The following PTPRT variants were observed in gnomAD, a reference collection of about 807,000 sequenced individuals.
The protein encoded by PTPRT is protein tyrosine phosphatase receptor type T.
PTPRT carries 56 observed loss-of-function variants against 176.8 expected under a neutral mutation model. That is an observed-to-expected ratio of 0.32 (90% CI 0.26 to 0.40). PTPRT has a LOEUF of 0.40. Ranked by LOEUF, PTPRT falls within the 10% of genes least tolerant of loss-of-function variation. PTPRT has a pLI of 1.00. For missense variants in PTPRT, 1,540 were observed against 1,908.2 expected (o/e 0.81, Z 3.60); for synonymous variants, 783 against 739.0 (o/e 1.06, Z -0.96).
At chr20:42,340,009 G>T (rs2058090234) in intron 11 of PTPRT, among the ~76,000 whole-genome samples, 1 of 151,972 alleles carries the variant, frequency 6.6e-6, no homozygotes, top group South Asian at 2.1e-4. Context: ...ACCAAACATG[G>T]GCCTTGACCT....
rs73909230 is a variant in PTPRT, at chr20:42,178,442, A to C, written c.2492-16900T>G. Among the ~76,000 whole-genome samples the C allele has an allele frequency of 6.2e-3, 943 of 152,306 alleles. 10 individuals carry two copies. Among genetic ancestry groups the C allele is most frequent in the African/African-American group, 0.021 (876 of 41,558 alleles). On this transcript the variant is annotated intron_variant, in intron 16 of 30. Coordinates refer to ENST00000373187, the MANE Select transcript of PTPRT (RefSeq NM_007050.6). ...GTAATTCCTATCTTCTTGTCTATTG[A>C]AATGCATCAGAAGAACCAGGGTTAA...
intron 2 of PTPRT, among the ~76,000 whole-genome samples, chr20:42,875,162 T>C (rs1161142506): frequency 6.6e-6 from 1 of 152,232 alleles, no homozygotes; most frequent in Non-Finnish European, 1.5e-5. Context: ...CAAGCATCTA[T>C]GTGGATATTA....
chr20:42,972,676 CAA>C (rs33947245), intron 1 of PTPRT, among the ~76,000 whole-genome samples: 14 of 77,576 alleles, frequency 1.8e-4, no homozygotes, highest in African/African-American at 4.0e-4. Context: ...TCTCAAAAAG[CAA>C]AAAAAAAAAA....
intron 2 of PTPRT, among the ~76,000 whole-genome samples, chr20:42,884,163 AACAG>A (rs1446304474): frequency 1.3e-5 from 2 of 152,084 alleles, no homozygotes; most frequent in African/African-American, 4.8e-5. Context: ...ATGATTGGGC[AACAG>A]ACAGAGGTTG....
chr20:43,080,911 G>A (rs1173772319), intron 1 of PTPRT, among the ~76,000 whole-genome samples: 1 of 152,206 alleles, frequency 6.6e-6, no homozygotes, highest in Non-Finnish European at 1.5e-5. Flanking sequence ...CATTCCATGA[G>A]CAAGAAATAA....
intron 1 of PTPRT, among the ~76,000 whole-genome samples, chr20:43,062,677 T>C (rs1987521539): frequency 6.6e-6 from 1 of 152,226 alleles, no homozygotes; most frequent in Non-Finnish European, 1.5e-5. Flanking sequence ...CATGTTTATA[T>C]ATGAATATGG....
the PTPRT span, among the ~76,000 whole-genome samples, chr20:42,053,814 G>T: frequency 6.6e-6 from 1 of 152,172 alleles, no homozygotes; most frequent in Non-Finnish European, 1.5e-5. Context: ...TTTGGAGCCA[G>T]CTCCTGTTCT....
intron 6 of PTPRT, among the ~76,000 whole-genome samples, chr20:42,751,655 C>T (rs543483058): frequency 1.4e-4 from 22 of 152,144 alleles, no homozygotes; most frequent in African/African-American, 4.3e-4. Context: ...GTGAAAGAAG[C>T]GGACTTGCTG....
chr20:42,643,521 T>C (rs1488552750), intron 7 of PTPRT, among the ~76,000 whole-genome samples: 1 of 151,218 alleles, frequency 6.6e-6, no homozygotes, highest in Admixed American at 6.6e-5. Context: ...TTTGCTACGT[T>C]GCCCATGCTG....
At chr20:42,667,059 G>A (rs2075329038) in intron 7 of PTPRT, among the ~76,000 whole-genome samples, 1 of 152,196 alleles carries the variant, frequency 6.6e-6, no homozygotes, top group South Asian at 2.1e-4. Flanking sequence ...CCTCTCTTGA[G>A]AGGCTCAGAT....
At chr20:42,813,619 G>A (rs2077733719) in intron 2 of PTPRT, among the ~76,000 whole-genome samples, 2 of 152,096 alleles carry the variant, frequency 1.3e-5, no homozygotes, top group Admixed American at 1.3e-4. Context: ...TGTGACACCT[G>A]ACTTTCTTCC....
intron 12 of PTPRT, among the ~76,000 whole-genome samples, chr20:42,288,087 G>A (rs1392100422): frequency 6.6e-6 from 1 of 151,882 alleles, no homozygotes; most frequent in Non-Finnish European, 1.5e-5. Flanking sequence ...AATAATTCTT[G>A]CACAATTAAT....
chr20:43,043,235 GC>G (rs1466148773), intron 1 of PTPRT, among the ~76,000 whole-genome samples: 4 of 152,206 alleles, frequency 2.6e-5, no homozygotes, highest in Admixed American at 2.0e-4. Context: ...AGCAAACGAC[GC>G]CCTCCCTCAG....
chr20:42,662,220 C>T (rs1176027025), intron 7 of PTPRT, among the ~76,000 whole-genome samples: 2 of 152,148 alleles, frequency 1.3e-5, no homozygotes, highest in African/African-American at 4.8e-5. Context: ...CTGGTTACTA[C>T]CAGTTTGAAA....
intron 12 of PTPRT, among the ~76,000 whole-genome samples, chr20:42,283,387 A>G (rs2057173061): frequency 6.6e-6 from 1 of 152,120 alleles, no homozygotes; most frequent in African/African-American, 2.4e-5. Context: ...AAATCTGTCA[A>G]TCATCCAATT....
chr20:42,057,337 G>A, the PTPRT span, among the ~76,000 whole-genome samples: 133 of 152,152 alleles, frequency 8.7e-4, no homozygotes, highest in Middle Eastern at 3.4e-3. Context: ...TGTTATTGGC[G>A]GGGGGCGGGG....
intron 7 of PTPRT, among the ~76,000 whole-genome samples, chr20:42,588,346 AG>A (rs2073508368): frequency 6.6e-6 from 1 of 152,194 alleles, no homozygotes; most frequent in Non-Finnish European, 1.5e-5. Context: ...CAGGAGGCTG[AG>A]GCAGGAGAAT....
At chr20:42,268,144 T>C (rs74452297) in intron 13 of PTPRT, among the ~76,000 whole-genome samples, 1 of 152,204 alleles carries the variant, frequency 6.6e-6, no homozygotes, top group African/African-American at 2.4e-5. Flanking sequence ...GCAGTTATTA[T>C]TTACATCAGC....
chr20:42,403,672 C>A (rs2058932478), intron 9 of PTPRT, among the ~76,000 whole-genome samples: 1 of 152,138 alleles, frequency 6.6e-6, no homozygotes, highest in Admixed American at 6.6e-5. Flanking sequence ...TCTTCAATGA[C>A]CAGATCTGTA....
Sources: allele counts gnomAD v4.1 joint callset (sites outside exome capture counted in the v4.1 genomes callset), GRCh38; gene constraint gnomAD v4.1.1; transcripts MANE v1.5; gene names NCBI Gene and HGNC (gene_info 2026-07-23, HGNC 2026-07-21).